The following XPO4 variants were observed in gnomAD, a reference collection of about 807,000 sequenced individuals.
XPO4 encodes the protein exportin 4.
Under a neutral mutation model 143.0 loss-of-function variants are expected in XPO4, and 39 were observed. That is an observed-to-expected ratio of 0.27 (90% CI 0.21 to 0.36). The LOEUF is 0.36. XPO4 is among the 10% of genes least tolerant of loss of function. The pLI, the probability that XPO4 is intolerant of heterozygous loss-of-function variation, is 1.00. For synonymous variants in XPO4, 439 were observed against 474.0 expected, an observed-to-expected ratio of 0.93 and a Z score of 0.96; for missense variants, 907 against 1,348.0, an observed-to-expected ratio of 0.67 and a Z score of 5.12.
intron 2 of XPO4, among the ~76,000 whole-genome samples, chr13:20,863,651 T>A (rs1778735816): frequency 6.6e-6 from 1 of 152,224 alleles, no homozygotes; most frequent in Admixed American, 6.5e-5. Context: ...AACAGCATTA[T>A]CAACAGGGAG....
chr13:20,787,431 C>G (rs2059220335), intron 21 of XPO4, 50 bp downstream of exon 21: 2 of 1,532,204 alleles, frequency 1.3e-6, no homozygotes, highest in Non-Finnish European at 9.0e-7. Context: ...GTGCACCGAC[C>G]ACACTTTTGA....
In XPO4 at chr13:20,902,746, C is replaced by T; in HGVS notation, c.-8G>A. The stretch of plus-strand genomic sequence containing the variant: ...CAGCGCCGCCGCCATCATGGTCTCT[C>T]TTCAATGACGCGCCATGCGCTGCAT... On this transcript the variant is annotated 5_prime_UTR_variant, in exon 1 of 23. Transcript: ENST00000255305. The T allele has an allele frequency of 6.6e-7, 1 of 1,521,956 alleles. No individual in the cohort carries two copies. The highest frequency in any genetic ancestry group is 8.8e-7 in the Non-Finnish European group (1 of 1,132,624). 94.3% of individuals were successfully genotyped at this position (1,521,956 alleles called of 1,614,324 possible).
chr13:20,842,233 C>T (rs1197829998), intron 6 of XPO4, among the ~76,000 whole-genome samples: 4 of 152,146 alleles, frequency 2.6e-5, no homozygotes, highest in African/African-American at 9.7e-5. Flanking sequence ...CTGTATATTA[C>T]TATCAACGGG....
intron 4 of XPO4, chr13:20,848,366 AAGCCCT>A: frequency 1.0e-6 from 1 of 985,396 alleles, no homozygotes; most frequent in Non-Finnish European, 1.2e-6. Flanking sequence ...ACTGTGGTCA[AAGCCCT>A]TCATGTACCT....
In XPO4 at chr13:20,803,247, A is replaced by C. The variant is rs1277481971; in HGVS notation, c.1818-2257T>G. Among the ~76,000 whole-genome samples, 2 of 152,194 alleles carry C rather than the reference A, an allele frequency of 1.3e-5. No homozygotes were observed. Among genetic ancestry groups the C allele is most frequent in the Non-Finnish European group, 2.9e-5 (2 of 68,034 alleles). On this transcript the variant is annotated intron_variant, in intron 13 of 22. Coordinates refer to ENST00000255305, the MANE Select transcript of XPO4 (RefSeq NM_022459.5). The surrounding 1 kb of genome is among the most constrained non-coding windows in gnomAD (Gnocchi z 4.1). ...GTCCTCTTGTTATTTAATGCAAAGG[A>C]CTGAAACCTGCTAACTGTCCACTCA...
chr13:20,808,225 GATCCATGAA>G (rs1225160746), intron 12 of XPO4, among the ~76,000 whole-genome samples: 17 of 152,130 alleles, frequency 1.1e-4, no homozygotes, highest in Non-Finnish European at 2.5e-4. Context: ...GGTAGAATGA[GATCCATGAA>G]ACATTTGGTA....
chr13:20,843,734 C>T lies in XPO4; in HGVS notation c.573+36G>A. 4 of 1,412,030 alleles carry T rather than the reference C, an allele frequency of 2.8e-6. No individual in the cohort carries two copies. The South Asian group carries it at 4.6e-5, about 16-fold the overall frequency. 87.5% of individuals were successfully genotyped at this position (1,412,030 alleles called of 1,614,324 possible). ...ATAGATTGAGTAAAAAGTGAATGAT[C>T]CAATAATTAAAACTCAAGAACAAAA... is the stretch of plus-strand genomic sequence containing the variant. On this transcript the variant is annotated intron_variant, in intron 5 of 22. Coordinates refer to ENST00000255305, the MANE Select transcript of XPO4 (RefSeq NM_022459.5).
intron 4 of XPO4, among the ~76,000 whole-genome samples, chr13:20,845,549 G>C (rs1437336681): frequency 2.0e-5 from 3 of 152,040 alleles, no homozygotes; most frequent in Non-Finnish European, 4.4e-5. Context: ...AGGCACTAAG[G>C]CCTCTCACAG....
chr13:20,833,109 C>A (rs2059872883), intron 6 of XPO4, among the ~76,000 whole-genome samples: 1 of 152,098 alleles, frequency 6.6e-6, no homozygotes, highest in African/African-American at 2.4e-5. Flanking sequence ...TTTATGAACA[C>A]CAGGTGAACT....
At chr13:20,887,855 T>C (rs1259367247) in intron 1 of XPO4, among the ~76,000 whole-genome samples, 1 of 138,108 alleles carries the variant, frequency 7.2e-6, no homozygotes, top group African/African-American at 2.7e-5. Context: ...TCAGACTCTG[T>C]CTCAAAAAAG....
At chr13:20,878,686 A>G (rs2060377865) in intron 1 of XPO4, among the ~76,000 whole-genome samples, 1 of 152,216 alleles carries the variant, frequency 6.6e-6, no homozygotes, top group Non-Finnish European at 1.5e-5. Flanking sequence ...CTGTGAAGCC[A>G]TGATGGCCTC....
At chr13:20,864,505 A>G (rs905895285) in intron 2 of XPO4, among the ~76,000 whole-genome samples, 2 of 152,160 alleles carry the variant, frequency 1.3e-5, no homozygotes, top group Non-Finnish European at 2.9e-5. Flanking sequence ...CAATTCCTCC[A>G]TTTTACAGGA....
At chr13:20,867,293 GAC>G (rs2060252641) in intron 2 of XPO4, among the ~76,000 whole-genome samples, 1 of 152,140 alleles carries the variant, frequency 6.6e-6, no homozygotes, top group African/African-American at 2.4e-5. Context: ...TCCTAAATGA[GAC>G]AGAGCCACCT....
chr13:20,865,488 A>G (rs1271710433), intron 2 of XPO4: 5 of 985,350 alleles, frequency 5.1e-6, no homozygotes, highest in Non-Finnish European at 6.0e-6. Flanking sequence ...TGACTAGGAC[A>G]CTGTCCAGAG....
intron 4 of XPO4, among the ~76,000 whole-genome samples, chr13:20,846,713 C>T (rs1166132800): frequency 6.6e-6 from 1 of 152,046 alleles, no homozygotes; most frequent in Non-Finnish European, 1.5e-5. Flanking sequence ...GTCTACAATC[C>T]TACCATCCAG....
chr13:20,826,410 T>C (rs942903166), intron 7 of XPO4, among the ~76,000 whole-genome samples: 1 of 152,214 alleles, frequency 6.6e-6, no homozygotes, highest in Non-Finnish European at 1.5e-5. Flanking sequence ...TTTAAAAGCC[T>C]GTCAGGTTGC....
intron 3 of XPO4, among the ~76,000 whole-genome samples, chr13:20,861,556 A>G (rs991044019): frequency 6.6e-6 from 1 of 152,014 alleles, no homozygotes; most frequent in Non-Finnish European, 1.5e-5. Flanking sequence ...TCAGCCTCCC[A>G]AAGTGCTGGA....
chr13:20,866,966 A>G (rs1252478134), intron 2 of XPO4, among the ~76,000 whole-genome samples: 2 of 152,252 alleles, frequency 1.3e-5, no homozygotes, highest in Non-Finnish European at 2.9e-5. Flanking sequence ...TCGTTAAGGC[A>G]TATGCCATGA....
chr13:20,792,891 G>A (rs1047984934), intron 18 of XPO4, among the ~76,000 whole-genome samples: 13 of 151,844 alleles, frequency 8.6e-5, no homozygotes, highest in African/African-American at 3.1e-4. Context: ...AGGTTCAAGC[G>A]ATTCTCCTGC....
Sources: allele counts gnomAD v4.1 joint callset (sites outside exome capture counted in the v4.1 genomes callset), GRCh38; gene constraint gnomAD v4.1.1; non-coding constraint Gnocchi (gnomAD v3.1); transcripts MANE v1.5; gene names NCBI Gene and HGNC (gene_info 2026-07-23, HGNC 2026-07-21).